CHAF1B: variants seen among roughly 807,000 people sequenced by gnomAD.
CHAF1B encodes the protein chromatin assembly factor 1 subunit B.
In CHAF1B, 10 loss-of-function variants were observed where a neutral mutation model predicts 60.7. The observed-to-expected ratio is 0.16, with a 90% CI of 0.10 to 0.28. The LOEUF (loss-of-function observed/expected upper bound fraction) is 0.28, where lower values mean the gene tolerates loss of function less well. Ranked by LOEUF, CHAF1B falls within the 10% of genes least tolerant of loss-of-function variation. The pLI is 1.00. For synonymous variants in CHAF1B, 261 were observed against 266.1 expected, an observed-to-expected ratio of 0.98 and a Z score of 0.19; for missense variants, 558 against 708.4, an observed-to-expected ratio of 0.79 and a Z score of 2.41.
In CHAF1B at chr21:36,411,562, A is replaced by T; in HGVS notation, c.1019A>T (p.Tyr340Phe). 1.9e-6 allele frequency: 3 copies of T among 1,613,998 alleles called. No homozygotes were observed. Among genetic ancestry groups the T allele is most frequent in the Non-Finnish European group, 2.5e-6 (3 of 1,180,000 alleles). Residue 340 changes from tyrosine to phenylalanine, a missense_variant, in exon 11 of 14, where the codon TAC becomes TTC. Transcript: ENST00000314103. ...YDTQQSFPFG[Y>F]VSNIHYHTLS... is the part of the protein sequence containing the mutation. ...ACCCAGCAGTCCTTCCCTTTTGGTTACGTGTCTAATATACATTACCACACC... is the reference window on the plus strand; with the variant it reads ...ACCCAGCAGTCCTTCCCTTTTGGTTTCGTGTCTAATATACATTACCACACC...
chr21:36,386,288 C>T lies in CHAF1B; in HGVS notation c.126+26C>T, dbSNP rs2086033357. ...GTAAACTGGGGCAGAGATAGACATC[C>T]GGGAACACTGCTTGAAGCAATAGTT... is the stretch of plus-strand genomic sequence containing the variant. On this transcript the variant is annotated intron_variant, in intron 2 of 13. Coordinates refer to ENST00000314103, the MANE Select transcript of CHAF1B (RefSeq NM_005441.3). The T allele has an allele frequency of 5.0e-6, 8 of 1,610,154 alleles. No homozygotes were observed. In the South Asian group the frequency reaches 5.5e-5, roughly 11 times the overall value.
chr21:36,408,433 G>A (rs1035850372), intron 8 of CHAF1B, among the ~76,000 whole-genome samples: 2 of 152,160 alleles, frequency 1.3e-5, no homozygotes, highest in African/African-American at 4.8e-5. Flanking sequence ...ATCTAGTCAC[G>A]GTGCTTCAAT....
At chr21:36,391,727 T>TATTC in intron 4 of CHAF1B, 59 bp downstream of exon 4, 1 of 1,115,696 alleles carries the variant, frequency 9.0e-7, no homozygotes. Context: ...TTAAATGGAA[T>TATTC]ATACCTTTTG....
chr21:36,411,485 C>A lies in CHAF1B; in HGVS notation c.942C>A (p.Pro314=). The change falls in exon 11 of 14, where the codon CCC becomes CCA. Residue 314 remains proline, a synonymous_variant. Coordinates refer to ENST00000314103, the MANE Select transcript of CHAF1B (RefSeq NM_005441.3). ...CAGGTGTGGAGCTGATGAGTCTGCC[C>A]TACCGCCTGGTGTTTGCTGTGGCCT... ...VETGVELMSL[P]YRLVFAVASE... The A allele has an allele frequency of 6.2e-7, 1 of 1,614,040 alleles. No homozygotes were observed. The highest frequency in any genetic ancestry group is 8.5e-7 in the Non-Finnish European group (1 of 1,180,008).
At chr21:36,397,718 T>A in intron 6 of CHAF1B, 1 of 214,104 alleles carries the variant, frequency 4.7e-6, no homozygotes. Context: ...ACTTAGTAAA[T>A]CTTTTTTTTT....
At chr21:36,398,718 T>A (rs1326848350) in intron 6 of CHAF1B, among the ~76,000 whole-genome samples, 1 of 152,238 alleles carries the variant, frequency 6.6e-6, no homozygotes, top group African/African-American at 2.4e-5. Context: ...TTGTGCTTTC[T>A]GAAAAGAAGT....
intron 7 of CHAF1B, among the ~76,000 whole-genome samples, chr21:36,400,101 T>C (rs190280606): frequency 1.3e-5 from 2 of 152,038 alleles, no homozygotes; most frequent in Non-Finnish European, 2.9e-5. Flanking sequence ...CACCTGAACC[T>C]GGGAGGCGGA....
rs763241499 is a variant in CHAF1B, at chr21:36,397,392, GT to G, written c.482-22del. 5.8e-5 allele frequency: 71 copies of G among 1,220,176 alleles called. No homozygotes were observed. In the South Asian group the frequency reaches 8.8e-4, roughly 15 times the overall value. 75.6% of individuals were successfully genotyped at this position (1,220,176 alleles called of 1,614,324 possible). A position where few individuals can be genotyped will look rare whatever the true frequency, so the allele number is the denominator to read the frequency against. ...GGTTTTGGTAATGCTGTTTTGGTGC[GT>G]GTGTGTGTGTTTTTTTTGTAGGACA... On this transcript the variant is annotated intron_variant, in intron 5 of 13. Coordinates refer to ENST00000314103, the MANE Select transcript of CHAF1B (RefSeq NM_005441.3).
Position 36,415,285 on chromosome 21 carries a change from TTA to T in CHAF1B, c.1494-9_1494-8del. 6.3e-7 allele frequency: 1 copy of T among 1,575,516 alleles called. No homozygotes were observed. ...CCATCACCCCTCTACTTTTTTTTTT[TTA>T]AATCAAGGAGAATAAACTTAACACC... On this transcript the variant is annotated splice_polypyrimidine_tract_variant and splice_region_variant and intron_variant, in intron 12 of 13. Transcript: ENST00000314103.
intron 9 of CHAF1B, 59 bp from the exon 10 acceptor site, chr21:36,409,315 T>A: frequency 7.1e-7 from 1 of 1,406,724 alleles, no homozygotes; most frequent in Non-Finnish European, 1.0e-6. Flanking sequence ...TGTTTACCTT[T>A]TATTTTTGCT....
At position 36,397,422 on chromosome 21, in the gene CHAF1B, G is replaced by T; in HGVS notation, c.489G>T (p.Lys163Asn). 3 of 1,538,702 alleles carry T rather than the reference G, an allele frequency of 1.9e-6. No individual in the cohort carries two copies. Among genetic ancestry groups the T allele is most frequent in the Non-Finnish European group, 2.7e-6 (3 of 1,129,906 alleles). The change falls in exon 6 of 14, where the codon AAG (lysine) becomes AAT (asparagine). Residue 163 changes from lysine to asparagine, a missense_variant. Around this residue, in one of 2 missense-constraint regions of CHAF1B, gnomAD observed 325 missense variants for 493.5 expected, o/e 0.66. Transcript: ENST00000314103. ...TGTGTGTTTTTTTTGTAGGACAAAA[G>T]ATATCAATTTTTAATGAACATAAAA... is the stretch of plus-strand genomic sequence containing the variant. ...AIIWDVSKGQ[K>N]ISIFNEHKSY... is the part of the protein sequence containing the mutation.
intron 2 of CHAF1B, among the ~76,000 whole-genome samples, chr21:36,386,617 A>G (rs949927284): frequency 6.6e-6 from 1 of 152,200 alleles, no homozygotes; most frequent in Non-Finnish European, 1.5e-5. Context: ...GAATGAATGA[A>G]TTAACGTATG....
rs925228822 is a variant in CHAF1B, at chr21:36,417,249, A to G, written c.*883A>G. 6.6e-6 allele frequency: 1 copy of G among 151,354 alleles called. No individual in the cohort carries two copies. The highest frequency in any genetic ancestry group is 6.6e-5 in the Admixed American group (1 of 15,152). 9.4% of individuals were successfully genotyped at this position (151,354 alleles called of 1,614,324 possible). A position where few individuals can be genotyped will look rare whatever the true frequency, so the allele number is the denominator to read the frequency against. On this transcript the variant is annotated 3_prime_UTR_variant, in exon 14 of 14. Transcript: ENST00000314103. ...ACCATGCCATGCTAATTTCACACACACATGCACCCACACACACACATATAT... is the reference window on the plus strand; with the variant it reads ...ACCATGCCATGCTAATTTCACACACGCATGCACCCACACACACACATATAT...
At chr21:36,402,032 T>C (rs1280422180) in intron 7 of CHAF1B, among the ~76,000 whole-genome samples, 1 of 152,146 alleles carries the variant, frequency 6.6e-6, no homozygotes, top group African/African-American at 2.4e-5. Context: ...TGAGCCACCA[T>C]GTCTGGCAAA....
intron 1 of CHAF1B, 52 bp downstream of exon 1, chr21:36,385,503 C>G (rs1052655117): frequency 6.6e-6 from 1 of 151,988 alleles, no homozygotes; most frequent in East Asian, 1.9e-4. Flanking sequence ...TCGCGTCGGT[C>G]CGGGCCAGAG....
rs916726825 is a variant in CHAF1B at position 36,418,138 on chromosome 21, C to A, written c.*1772C>A. The A allele has an allele frequency of 2.0e-5, 3 of 152,014 alleles. No homozygotes were observed. The highest frequency in any genetic ancestry group is 7.3e-5 in the African/African-American group (3 of 41,378). 9.4% of individuals were successfully genotyped at this position (152,014 alleles called of 1,614,324 possible). The stretch of plus-strand genomic sequence containing the variant: ...AAGGGATTCTCCTGCCTCAGCCTCT[C>A]CAGTAGCTGGGATTACAGGCACCCG... On this transcript the variant is annotated 3_prime_UTR_variant, in exon 14 of 14. Transcript: ENST00000314103.
rs1211636513 is a variant in CHAF1B, at chr21:36,416,390, G to GCCTATCGAAT, written c.*28_*29insTCGAATCCTA. ...GATGGGACCTCGGCTTCTGCTCGAA[G>GCCTATCGAAT]CCTACCAGGCTCCCGGTGTGTGCAG... On this transcript the variant is annotated 3_prime_UTR_variant, in exon 14 of 14. Coordinates refer to ENST00000314103, the MANE Select transcript of CHAF1B (RefSeq NM_005441.3). 6.3e-7 allele frequency: 1 copy of GCCTATCGAAT among 1,598,634 alleles called. No homozygotes were observed. Among genetic ancestry groups the GCCTATCGAAT allele is most frequent in the Non-Finnish European group, 8.6e-7 (1 of 1,169,182 alleles).
rs570966931 is a variant in CHAF1B at position 36,409,110 on chromosome 21, C to T, written c.828-264C>T. ...CCTCAAGTGGTCCGCTTGCCTCGGC[C>T]TCCCAAAGTGCTGGGAATACAGGCA... is the stretch of plus-strand genomic sequence containing the variant. On this transcript the variant is annotated intron_variant, in intron 9 of 13. Transcript: ENST00000314103. 1.3e-4 allele frequency among the ~76,000 whole-genome samples: 19 copies of T among 151,624 alleles called. No individual in the cohort carries two copies. In the South Asian group the frequency reaches 3.8e-3, roughly 30 times the overall value.
intron 11 of CHAF1B, 83 bp from the exon 12 acceptor site, chr21:36,412,801 T>G: frequency 7.4e-7 from 1 of 1,348,670 alleles, no homozygotes; most frequent in South Asian, 1.4e-5. Context: ...AACAAGCTTG[T>G]GATTTTGCTC....
Sources: gnomAD v4.1 joint callset for allele counts (sites outside exome capture counted in the v4.1 genomes callset) on GRCh38, gnomAD v4.1.1 for gene constraint, gnomAD v4.1.1 regional missense constraint, MANE v1.5 for transcripts, NCBI Gene and HGNC (gene_info 2026-07-23, HGNC 2026-07-21) for gene names.